Variants in RASA2 observed in about 807,000 individuals in gnomAD.
The protein encoded by RASA2 is RAS p21 protein activator 2.
Under a neutral mutation model 118.2 loss-of-function variants are expected in RASA2, and 155 were observed. The ratio of observed to expected loss-of-function variants is 1.31; its 90% confidence interval spans 1.15 to 1.50. The LOEUF (loss-of-function observed/expected upper bound fraction) is 1.50, where lower values mean the gene tolerates loss of function less well. Ranked by LOEUF, RASA2 falls within the 40% of genes most tolerant of loss-of-function variation. RASA2 has a pLI of 0.00. For missense variants in RASA2, 1,016 were observed against 1,009.6 expected (o/e 1.01, Z -0.09); for synonymous variants, 353 against 349.1 (o/e 1.01, Z -0.12).
chr3:141,585,017 G>A (rs1348310189), intron 17 of RASA2, among the ~76,000 whole-genome samples: 1 of 152,056 alleles, frequency 6.6e-6, no homozygotes. Flanking sequence ...GAACATTTGG[G>A]ATTTTTCAGA....
chr3:141,518,528 G>A (rs536196912), intron 3 of RASA2, among the ~76,000 whole-genome samples: 1 of 116,504 alleles, frequency 8.6e-6, no homozygotes, highest in African/African-American at 3.2e-5. Flanking sequence ...ATTAAGCGTT[G>A]TCTTTGTCCT....
At chr3:141,536,662 C>G (rs1208043048) in intron 4 of RASA2, among the ~76,000 whole-genome samples, 2 of 152,056 alleles carry the variant, frequency 1.3e-5, no homozygotes, top group African/African-American at 2.4e-5. Context: ...GAAAAGTATA[C>G]TGTCATTGAG....
intron 9 of RASA2, among the ~76,000 whole-genome samples, chr3:141,562,607 G>C (rs1314960402): frequency 6.6e-6 from 1 of 150,496 alleles, no homozygotes; most frequent in South Asian, 2.1e-4. Flanking sequence ...GGGAGACAGA[G>C]CGAGACTCCG....
intron 2 of RASA2, among the ~76,000 whole-genome samples, chr3:141,513,813 T>C (rs531511532): frequency 3.3e-5 from 5 of 152,372 alleles, no homozygotes; most frequent in African/African-American, 1.2e-4. Flanking sequence ...ATCATAAAGA[T>C]ACTGCATTTC....
At chr3:141,560,030 T>C (rs372955407) in intron 9 of RASA2, 35 bp downstream of exon 9, 8 of 1,512,520 alleles carry the variant, frequency 5.3e-6, no homozygotes, top group African/African-American at 1.4e-5. Context: ...CTCCATAGTT[T>C]AATTCTCTTT....
At position 141,553,943 on chromosome 3, in the gene RASA2, A is replaced by C. The variant is rs1389194609; in HGVS notation, c.611+3A>C. 6.2e-7 allele frequency: 1 copy of C among 1,600,834 alleles called. No individual in the cohort carries two copies. The highest frequency in any genetic ancestry group is 8.5e-7 in the Non-Finnish European group (1 of 1,175,042). ...GTTTCTCTAGTGGGCCCTTCTAGGT[A>C]ATATTTATTGAATTATTATTAGGTT... On this transcript the variant is annotated splice_donor_region_variant and intron_variant, in intron 6 of 23. Coordinates refer to ENST00000286364, the MANE Select transcript of RASA2 (RefSeq NM_006506.5).
At chr3:141,540,402 G>C (rs1237493924) in intron 4 of RASA2, 131 bp from the exon 5 acceptor site, 3 of 559,324 alleles carry the variant, frequency 5.4e-6, no homozygotes, top group Non-Finnish European at 9.2e-6. Flanking sequence ...CATTTAACAA[G>C]TACTTAGTGT....
intron 4 of RASA2, among the ~76,000 whole-genome samples, chr3:141,538,131 A>AC (rs56695750): frequency 1.3e-5 from 2 of 151,192 alleles, no homozygotes; most frequent in Non-Finnish European, 3.0e-5. Flanking sequence ...ACACACACAC[A>AC]AACTTGTTTT....
chr3:141,505,761 C>T (rs946155609), intron 1 of RASA2, among the ~76,000 whole-genome samples: 2 of 146,932 alleles, frequency 1.4e-5, no homozygotes, highest in African/African-American at 5.0e-5. Flanking sequence ...TTTATTTATA[C>T]GTGTCTCTGT....
At chr3:141,546,517 G>A (rs1435984239) in intron 5 of RASA2, among the ~76,000 whole-genome samples, 1 of 152,206 alleles carries the variant, frequency 6.6e-6, no homozygotes, top group East Asian at 1.9e-4. Flanking sequence ...CAGATCTTTT[G>A]CTCATTTTTA....
chr3:141,533,489 G>A (rs2082286993), intron 4 of RASA2, among the ~76,000 whole-genome samples: 1 of 152,106 alleles, frequency 6.6e-6, no homozygotes, highest in African/African-American at 2.4e-5. Flanking sequence ...GAAGTTCTAG[G>A]GAAATAACAT....
At position 141,556,977 on chromosome 3, in the gene RASA2, T is replaced by C. The variant is rs564593979; in HGVS notation, c.684+1065T>C. ...GGACTTGGTGCAGTTGTTCTACGTTTATTAATGGCGGTTGCATCTAACCTG... is the reference window on the plus strand; with the variant it reads ...GGACTTGGTGCAGTTGTTCTACGTTCATTAATGGCGGTTGCATCTAACCTG... On this transcript the variant is annotated intron_variant, in intron 7 of 23. Coordinates refer to ENST00000286364, the MANE Select transcript of RASA2 (RefSeq NM_006506.5). Among the ~76,000 whole-genome samples, 3 of 152,286 alleles carry C rather than the reference T, an allele frequency of 2.0e-5. No homozygotes were observed. In the East Asian group the frequency reaches 5.8e-4, roughly 29 times the overall value.
At chr3:141,501,168 T>G (rs2081773321) in intron 1 of RASA2, among the ~76,000 whole-genome samples, 1 of 152,188 alleles carries the variant, frequency 6.6e-6, no homozygotes, top group Non-Finnish European at 1.5e-5. Context: ...CTAGCCAACC[T>G]CAGATTTGTA....
At chr3:141,592,799 A>G (rs1009252107) in intron 19 of RASA2, among the ~76,000 whole-genome samples, 2 of 152,110 alleles carry the variant, frequency 1.3e-5, no homozygotes, top group African/African-American at 4.8e-5. Context: ...AAAAATAGAT[A>G]AAGAACTCTT....
intron 1 of RASA2, among the ~76,000 whole-genome samples, chr3:141,496,549 C>A (rs2081705293): frequency 6.6e-6 from 1 of 152,170 alleles, no homozygotes; most frequent in South Asian, 2.1e-4. Context: ...ATGCAGCCAA[C>A]AGACATATGA....
chr3:141,512,920 G>C (rs777242472), intron 2 of RASA2, among the ~76,000 whole-genome samples: 19 of 152,032 alleles, frequency 1.2e-4, no homozygotes, highest in Non-Finnish European at 2.4e-4. Flanking sequence ...AAAATTAGTT[G>C]GGCGTGGTGC....
intron 9 of RASA2, among the ~76,000 whole-genome samples, chr3:141,567,109 C>G (rs911890795): frequency 7.2e-5 from 11 of 152,034 alleles, no homozygotes; most frequent in Admixed American, 2.6e-4. Context: ...AACTTGAAAA[C>G]TATGAGTATA....
At chr3:141,517,461 G>A (rs1196386549) in intron 3 of RASA2, among the ~76,000 whole-genome samples, 1 of 152,118 alleles carries the variant, frequency 6.6e-6, no homozygotes, top group Non-Finnish European at 1.5e-5. Context: ...GGAGAGAGGA[G>A]AGTTGGGATG....
At chr3:141,542,048 T>C (rs1328604283) in intron 5 of RASA2, among the ~76,000 whole-genome samples, 1 of 151,932 alleles carries the variant, frequency 6.6e-6, no homozygotes, top group African/African-American at 2.4e-5. Context: ...AAGGGTTTTT[T>C]TGTGCCCCTT....
Sources: gnomAD v4.1 joint callset for allele counts (sites outside exome capture counted in the v4.1 genomes callset) on GRCh38, gnomAD v4.1.1 for gene constraint, MANE v1.5 for transcripts, NCBI Gene and HGNC (gene_info 2026-07-23, HGNC 2026-07-21) for gene names.